ITPR2: variants seen among roughly 807,000 people sequenced by gnomAD.
ITPR2 encodes inositol 1,4,5-trisphosphate-gated calcium channel ITPR2.
Under a neutral mutation model 317.1 loss-of-function variants are expected in ITPR2, and 207 were observed. That is an observed-to-expected ratio of 0.65 (90% CI 0.58 to 0.73). The LOEUF (loss-of-function observed/expected upper bound fraction) is 0.73. Among genes scored for constraint, ITPR2 ranks in the 30% least tolerant of loss-of-function variants. The pLI is 0.00. For missense variants in ITPR2, 2,613 were observed against 3,284.0 expected (o/e 0.80, Z 4.99); for synonymous variants, 1,156 against 1,149.1 (o/e 1.01, Z -0.12).
At chr12:26,460,823 A>T (rs1334658694) in intron 45 of ITPR2, among the ~76,000 whole-genome samples, 1 of 152,134 alleles carries the variant, frequency 6.6e-6, no homozygotes. Flanking sequence ...ATCAGAAGGA[A>T]GCAGAAGACT....
chr12:26,415,518 A>C lies in ITPR2; in HGVS notation c.7111-20T>G. 6.9e-7 allele frequency: 1 copy of C among 1,456,378 alleles called. No individual in the cohort carries two copies. The highest frequency in any genetic ancestry group is 9.2e-7 in the Non-Finnish European group (1 of 1,090,006). 90.2% of individuals were successfully genotyped at this position (1,456,378 alleles called of 1,614,324 possible). On this transcript the variant is annotated intron_variant, in intron 50 of 56. Transcript: ENST00000381340. ...AAAAAGCTACAAAGATAAAGAAAAC[A>C]CTAATAAGAAAAGAAGGCATTGGAG...
At chr12:26,704,880 C>G (rs187452723) in intron 9 of ITPR2, among the ~76,000 whole-genome samples, 2 of 152,088 alleles carry the variant, frequency 1.3e-5, no homozygotes, top group East Asian at 3.9e-4. Flanking sequence ...GTCACACTGG[C>G]CAATATAAAC....
Position 26,664,436 on chromosome 12 carries a change from C to T in ITPR2, c.1552-590G>A, listed in dbSNP as rs529534387. On this transcript the variant is annotated intron_variant, in intron 14 of 56. Transcript: ENST00000381340. The stretch of plus-strand genomic sequence containing the variant: ...GGGCAGCTGGTGGCTCCCAGTAAGC[C>T]AGATTCTTGTAAGAAGGTTAGCAGT... Among the ~76,000 whole-genome samples, 4 of 152,244 alleles carry T rather than the reference C, an allele frequency of 2.6e-5. No individual in the cohort carries two copies. In the South Asian group the frequency reaches 6.2e-4, roughly 24 times the overall value.
At chr12:26,581,928 A>G (rs1334595231) in intron 32 of ITPR2, among the ~76,000 whole-genome samples, 4 of 152,216 alleles carry the variant, frequency 2.6e-5, no homozygotes, top group African/African-American at 9.6e-5. Context: ...TCATCAGAGT[A>G]TACCACACTG....
intron 55 of ITPR2, among the ~76,000 whole-genome samples, chr12:26,343,859 A>C (rs1361006065): frequency 6.6e-6 from 1 of 152,188 alleles, no homozygotes; most frequent in Non-Finnish European, 1.5e-5. Flanking sequence ...GTGAGAAAAT[A>C]GGCAGCTGCC....
chr12:26,630,792 A>G (rs1282947216), intron 22 of ITPR2: 2 of 152,146 alleles, frequency 1.3e-5, no homozygotes, highest in Non-Finnish European at 2.9e-5. Context: ...CACGTATTTT[A>G]GAGTTTGTCC....
chr12:26,696,010 A>AG lies in ITPR2; in HGVS notation c.952-361_952-360insC, dbSNP rs1043569765. On this transcript the variant is annotated intron_variant, in intron 9 of 56. Transcript: ENST00000381340. ...ACTCAGACACAAATTAAACAAAAAAAACCAGTGGGACATTGATGATTTGAG... is the reference window on the plus strand; with the variant it reads ...ACTCAGACACAAATTAAACAAAAAAAGACCAGTGGGACATTGATGATTTGAG... Among the ~76,000 whole-genome samples the AG allele has an allele frequency of 2.6e-4, 39 of 152,192 alleles. No individual in the cohort carries two copies. The East Asian group carries it at 5.6e-3, about 22-fold the overall frequency.
At chr12:26,433,789 A>T (rs904651104) in intron 48 of ITPR2, among the ~76,000 whole-genome samples, 1 of 152,152 alleles carries the variant, frequency 6.6e-6, no homozygotes, top group African/African-American at 2.4e-5. Context: ...GAAAGATCTC[A>T]TGAGGCTACT....
chr12:26,777,699 A>G lies in ITPR2; in HGVS notation c.163+12458T>C, dbSNP rs903965235. On this transcript the variant is annotated intron_variant, in intron 2 of 56. Transcript: ENST00000381340. ...ACAAAAGACTAATTTGAATTATAAA[A>G]CAGAGATTCATGGCCCTTCAATCAA... is the stretch of plus-strand genomic sequence containing the variant. 8.0e-5 allele frequency among the ~76,000 whole-genome samples: 12 copies of G among 149,962 alleles called. No homozygotes were observed. The South Asian group carries it at 2.4e-3, about 30-fold the overall frequency.
At position 26,411,300 on chromosome 12, in the gene ITPR2, C is replaced by T; in HGVS notation, c.7399+20G>A. 4 of 1,550,676 alleles carry T rather than the reference C, an allele frequency of 2.6e-6. No individual in the cohort carries two copies. Among genetic ancestry groups the T allele is most frequent in the Non-Finnish European group, 3.6e-6 (4 of 1,122,834 alleles). On this transcript the variant is annotated intron_variant, in intron 52 of 56. Transcript: ENST00000381340. ...TCAAAGATATCAAGTTCATACTGAC[C>T]CAGAGTCCTTTCTACAAACCTGTAT...
chr12:26,381,921 A>T (rs1317179555), intron 55 of ITPR2, among the ~76,000 whole-genome samples: 1 of 152,184 alleles, frequency 6.6e-6, no homozygotes, highest in East Asian at 1.9e-4. Context: ...CCGTTAATAT[A>T]CCTCAGCAAA....
intron 11 of ITPR2, 38 bp downstream of exon 11, chr12:26,686,443 T>C: frequency 5.6e-6 from 8 of 1,422,330 alleles, no homozygotes; most frequent in Non-Finnish European, 7.6e-6. Flanking sequence ...CTGGTATAAT[T>C]ATTCAAAGAA....
chr12:26,542,259 G>A (rs1008738344), intron 37 of ITPR2, among the ~76,000 whole-genome samples: 1 of 152,154 alleles, frequency 6.6e-6, no homozygotes, highest in African/African-American at 2.4e-5. Flanking sequence ...TACACACTTA[G>A]GCAAATTTTA....
chr12:26,379,993 A>G lies in ITPR2; in HGVS notation c.7857+7441T>C, dbSNP rs1310398513. Among the ~76,000 whole-genome samples, 9 of 152,198 alleles carry G rather than the reference A, an allele frequency of 5.9e-5. No individual in the cohort carries two copies. In the East Asian group the frequency reaches 1.7e-3, roughly 29 times the overall value. The stretch of plus-strand genomic sequence containing the variant: ...CTAGCAGATCTACAGTTTCTGATCA[A>G]TTCAGGAAGTAACCTAGAACATCTC... On this transcript the variant is annotated intron_variant, in intron 55 of 56. Transcript: ENST00000381340.
intron 55 of ITPR2, among the ~76,000 whole-genome samples, chr12:26,343,770 A>C (rs541913669): frequency 3.3e-5 from 5 of 151,892 alleles, no homozygotes; most frequent in Admixed American, 1.3e-4. Context: ...TTTTTATGGG[A>C]GGTTTGAGGT....
intron 37 of ITPR2, among the ~76,000 whole-genome samples, chr12:26,504,325 A>G (rs1943138588): frequency 6.6e-6 from 1 of 152,204 alleles, no homozygotes; most frequent in Admixed American, 6.5e-5. Context: ...ATGCCCCTCT[A>G]AGTCATTGCT....
At chr12:26,576,956 A>G (rs1945292765) in intron 34 of ITPR2, among the ~76,000 whole-genome samples, 1 of 152,178 alleles carries the variant, frequency 6.6e-6, no homozygotes, top group South Asian at 2.1e-4. Flanking sequence ...GGTTTCTAAT[A>G]AAAATATGAG....
At chr12:26,721,766 A>G (rs1314992779) in intron 5 of ITPR2, among the ~76,000 whole-genome samples, 1 of 152,186 alleles carries the variant, frequency 6.6e-6, no homozygotes, top group East Asian at 1.9e-4. Flanking sequence ...CAATACACAC[A>G]TATTCCACAA....
At chr12:26,788,166 C>A (rs975787487) in intron 2 of ITPR2, among the ~76,000 whole-genome samples, 6 of 152,190 alleles carry the variant, frequency 3.9e-5, no homozygotes, top group Non-Finnish European at 8.8e-5. Context: ...AGGTGATCCA[C>A]CCGCCTTGGC....
Sources: allele counts gnomAD v4.1 joint callset (sites outside exome capture counted in the v4.1 genomes callset), GRCh38; gene constraint gnomAD v4.1.1; transcripts MANE v1.5; gene names NCBI Gene and HGNC (gene_info 2026-07-23, HGNC 2026-07-21).